Variants in TRIM11 observed in about 807,000 individuals in gnomAD.
TRIM11 encodes tripartite motif containing 11, also known as E3 ubiquitin-protein ligase TRIM11.
TRIM11 carries 15 observed loss-of-function variants against 33.4 expected under a neutral mutation model. That is an observed-to-expected ratio of 0.45 (90% confidence interval 0.30 to 0.69). The LOEUF is 0.69. TRIM11 is among the 30% of genes least tolerant of loss of function. TRIM11 has a pLI of 0.08. For synonymous variants in TRIM11, 281 were observed against 302.6 expected, an observed-to-expected ratio of 0.93 and a Z score of 0.74; for missense variants, 499 against 667.6, an observed-to-expected ratio of 0.75 and a Z score of 2.78.
chr1:228,397,077 A>G (rs754654919), intron 4 of TRIM11, 30 bp from the exon 5 acceptor site: 10 of 1,613,568 alleles, frequency 6.2e-6, no homozygotes, highest in Admixed American at 1.7e-5. Context: ...TGTTGTCGCC[A>G]TGGCCAACAG....
chr1:228,404,124 G>C (rs1656319326), intron 1 of TRIM11: 1 of 152,138 alleles, frequency 6.6e-6, no homozygotes, highest in African/African-American at 2.4e-5. Context: ...CGTGTAGTCA[G>C]AACTGGGATG....
chr1:228,395,144 T>G lies in TRIM11; in HGVS notation c.968A>C (p.Glu323Ala), dbSNP rs1343760190. 2 of 1,547,832 alleles carry G rather than the reference T, an allele frequency of 1.3e-6. No individual in the cohort carries two copies. Among genetic ancestry groups the G allele is most frequent in the Non-Finnish European group, 1.7e-6 (2 of 1,152,792 alleles). ...DLRQALPDSP[E>A]RFDPGPCVLG... ...CACGCAGGGGCCGGGGTCAAAGCGC[T>G]CTGGGCTGTCCGGCAGGGCCTGCCG... The change falls in exon 6 of 6, where the codon GAG becomes GCG. Residue 323 changes from glutamate (E) to alanine (A), a missense_variant. Physicochemically the swap from Glu to Ala is moderately radical, Grantham distance 107. Transcript: ENST00000284551. This position sits in a 1 kb window ranked among gnomAD's most constrained non-coding sequence, Gnocchi z 4.8.
In TRIM11 at chr1:228,395,029, C is replaced by T. The variant is rs938215614; in HGVS notation, c.1083G>A (p.Glu361=). The T allele has an allele frequency of 6.2e-7, 1 of 1,613,888 alleles. No homozygotes were observed. Among genetic ancestry groups the T allele is most frequent in the African/African-American group, 1.3e-5 (1 of 74,930 alleles). ...CGCCCTTCTCCTTCCTGTTCACGTT[C>T]TCCCTGCACACCCCCAGGGCCCAGC... ...RTSWALGVCR[E]NVNRKEKGEL... The change falls in exon 6 of 6, where the codon GAG becomes GAA. Residue 361 remains glutamate (E), a synonymous_variant. Transcript: ENST00000284551. This position sits in a 1 kb window ranked among gnomAD's most constrained non-coding sequence, Gnocchi z 4.8.
At position 228,400,511 on chromosome 1, in the gene TRIM11, C is replaced by A. The variant is rs1247116989; in HGVS notation, c.735+453G>T. ...AGCAGAGGAGGAGGAGACTGCCCCC[C>A]ATAATGGAGATGCATGGGGTGTGCC... is the stretch of plus-strand genomic sequence containing the variant. On this transcript the variant is annotated intron_variant, in intron 3 of 5. Transcript: ENST00000284551. This position sits in a 1 kb window ranked among gnomAD's most constrained non-coding sequence, Gnocchi z 4.5. 1.3e-5 allele frequency among the ~76,000 whole-genome samples: 2 copies of A among 152,170 alleles called. No homozygotes were observed. Among genetic ancestry groups the A allele is most frequent in the South Asian group, 2.1e-4 (1 of 4,830 alleles).
chr1:228,397,261 C>G, intron 3 of TRIM11, 96 bp from the exon 4 acceptor site: 2 of 1,454,712 alleles, frequency 1.4e-6, no homozygotes. Context: ...CCGTCCCCCT[C>G]TCCTACATTT....
At position 228,394,639 on chromosome 1, in the gene TRIM11, T is replaced by C. The variant is rs1574081720; in HGVS notation, c.*66A>G. The C allele has an allele frequency of 2.7e-6, 4 of 1,491,540 alleles. No individual in the cohort carries two copies. The East Asian group carries it at 9.2e-5, about 34-fold the overall frequency. The allele number at this position is 1,491,540 out of a possible 1,614,324, so 92.4% of individuals were successfully genotyped here. A position where few individuals can be genotyped will look rare whatever the true frequency, so the allele number is the denominator to read the frequency against. ...ACTCCCTCCTCCCAGGTCCTCCAAG[T>C]GGCCAAAACACTCAGTGGCCTGGAG... is the stretch of plus-strand genomic sequence containing the variant. On this transcript the variant is annotated 3_prime_UTR_variant, in exon 6 of 6. Coordinates refer to ENST00000284551, the MANE Select transcript of TRIM11 (RefSeq NM_145214.3). The surrounding 1 kb of genome is among the most constrained non-coding windows in gnomAD (Gnocchi z 6.2).
Position 228,394,975 on chromosome 1 carries a change from G to A in TRIM11, c.1137C>T (p.Ile379=), listed in dbSNP as rs1321742050. 1 of 1,614,052 alleles carries A rather than the reference G, an allele frequency of 6.2e-7. No homozygotes were observed. Among genetic ancestry groups the A allele is most frequent in the Admixed American group, 1.7e-5 (1 of 60,006 alleles). The change falls in exon 6 of 6, where the codon ATC becomes ATT. Residue 379 remains isoleucine (I), a synonymous_variant. Coordinates refer to ENST00000284551, the MANE Select transcript of TRIM11 (RefSeq NM_145214.3). The surrounding 1 kb of genome is among the most constrained non-coding windows in gnomAD (Gnocchi z 6.2). ...TGTAATAGCTCCCCAGGAAGACCAG[G>A]ATCCAGAAGCCGTTGCCCGCGGACA... ...GELSAGNGFW[I]LVFLGSYYNS...
At chr1:228,397,381 C>A (rs1017570413) in intron 3 of TRIM11, 1 of 607,304 alleles carries the variant, frequency 1.6e-6, no homozygotes, top group Admixed American at 3.0e-5. Context: ...GAGGCATCAC[C>A]AATGGGGTGC....
In TRIM11 at chr1:228,400,874, C is replaced by T. The variant is rs1656184470; in HGVS notation, c.735+90G>A. The T allele has an allele frequency of 1.4e-6, 2 of 1,431,240 alleles. No individual in the cohort carries two copies. Among genetic ancestry groups the T allele is most frequent in the Non-Finnish European group, 9.1e-7 (1 of 1,096,094 alleles). The allele number at this position is 1,431,240 out of a possible 1,614,324, so 88.7% of individuals were successfully genotyped here. ...CTCTCAGCCCAGACAACCTCTCTGC[C>T]CCTGCTTCTTGCACTTTCTGGTTCT... On this transcript the variant is annotated intron_variant, in intron 3 of 5. Coordinates refer to ENST00000284551, the MANE Select transcript of TRIM11 (RefSeq NM_145214.3). The surrounding 1 kb of genome is among the most constrained non-coding windows in gnomAD (Gnocchi z 4.5).
intron 3 of TRIM11, among the ~76,000 whole-genome samples, chr1:228,398,449 C>T (rs1465870000): frequency 6.6e-6 from 1 of 152,026 alleles, no homozygotes; most frequent in Non-Finnish European, 1.5e-5. Flanking sequence ...AAGGTCCCAT[C>T]TCTAAAAAAA....
At position 228,406,473 on chromosome 1, in the gene TRIM11, T is replaced by C; in HGVS notation, c.89A>G (p.Asp30Gly). ...LDYFTDPVMT[D>G]CGHNFCRECI... ...CTCGCGGCAGAAGTTGTGGCCGCAG[T>C]CGGTCATCACCGGATCCGTGAAGTA... The change falls in exon 1 of 6, where the codon GAC (aspartate) becomes GGC (glycine). Residue 30 changes from aspartate (D) to glycine (G), a missense_variant. Coordinates refer to ENST00000284551, the MANE Select transcript of TRIM11 (RefSeq NM_145214.3). The surrounding 1 kb of genome is among the most constrained non-coding windows in gnomAD (Gnocchi z 8.2). 1 of 1,592,778 alleles carries C rather than the reference T, an allele frequency of 6.3e-7. No homozygotes were observed. The highest frequency in any genetic ancestry group is 1.4e-5 in the African/African-American group (1 of 72,588).
At position 228,394,551 on chromosome 1, in the gene TRIM11, T is replaced by C. The variant is rs1490146421; in HGVS notation, c.*154A>G. On this transcript the variant is annotated 3_prime_UTR_variant, in exon 6 of 6. Transcript: ENST00000284551. This position sits in a 1 kb window ranked among gnomAD's most constrained non-coding sequence, Gnocchi z 6.2. ...CCCACAGTTTCCTGGAGTGCTAGAA[T>C]TGGGGTTCTCCCACGCAGGCTCAGA... The C allele has an allele frequency of 3.6e-6, 3 of 833,934 alleles. No homozygotes were observed. Among genetic ancestry groups the C allele is most frequent in the Non-Finnish European group, 5.4e-6 (3 of 554,368 alleles). The allele number at this position is 833,934 out of a possible 1,614,324, so 51.7% of individuals were successfully genotyped here.
rs1250004917 is a variant in TRIM11, at chr1:228,394,951, G to A, written c.1161C>T (p.Tyr387=). The change falls in exon 6 of 6, where the codon TAC becomes TAT. Residue 387 remains tyrosine, a synonymous_variant. Coordinates refer to ENST00000284551, the MANE Select transcript of TRIM11 (RefSeq NM_145214.3). This position sits in a 1 kb window ranked among gnomAD's most constrained non-coding sequence, Gnocchi z 6.2. ...FWILVFLGSY[Y]NSSERALAPL... ...GAGCCAAGGCCCGTTCCGAGGAATTGTAATAGCTCCCCAGGAAGACCAGGA... is the reference window on the plus strand; with the variant it reads ...GAGCCAAGGCCCGTTCCGAGGAATTATAATAGCTCCCCAGGAAGACCAGGA... 1.2e-6 allele frequency: 2 copies of A among 1,614,052 alleles called. No homozygotes were observed. The highest frequency in any genetic ancestry group is 2.2e-5 in the East Asian group (1 of 44,882).
In TRIM11 at chr1:228,394,866, A is replaced by T; in HGVS notation, c.1246T>A (p.Ser416Thr). The change falls in exon 6 of 6, where the codon TCT becomes ACT. Residue 416 changes from serine to threonine, a missense_variant. Transcript: ENST00000284551. This position sits in a 1 kb window ranked among gnomAD's most constrained non-coding sequence, Gnocchi z 6.2. ...IFLDYEAGHL[S>T]FYSATDGSLL... The stretch of plus-strand genomic sequence containing the variant: ...GACCCATCGGTGGCACTGTAGAAAG[A>T]GAGATGTCCAGCCTCGTAGTCCAGA... 1 of 1,613,998 alleles carries T rather than the reference A, an allele frequency of 6.2e-7. No individual in the cohort carries two copies. The highest frequency in any genetic ancestry group is 2.2e-5 in the East Asian group (1 of 44,840).
chr1:228,396,635 T>C (rs1205441747), intron 5 of TRIM11: 4 of 701,616 alleles, frequency 5.7e-6, no homozygotes, highest in African/African-American at 1.8e-5. Flanking sequence ...GGCAGTCTTA[T>C]GGGACTGAGC....
rs527418185 is a variant in TRIM11 at position 228,395,461 on chromosome 1, T to C, written c.860-209A>G. The C allele has an allele frequency of 2.0e-4, 83 of 423,984 alleles. 1 individual carries two copies. The highest frequency in any genetic ancestry group is 2.7e-4 in the Non-Finnish European group (66 of 248,780). The allele number at this position is 423,984 out of a possible 1,614,324, so 26.3% of individuals were successfully genotyped here. Reference sequence around the variant, plus strand: ...AGCTACGTCCAGTTGCAACTTACAATGTCCTACAAATTGGTCCATGTTTTG... The same window carrying C: ...AGCTACGTCCAGTTGCAACTTACAACGTCCTACAAATTGGTCCATGTTTTG... On this transcript the variant is annotated intron_variant, in intron 5 of 5. Transcript: ENST00000284551. This position sits in a 1 kb window ranked among gnomAD's most constrained non-coding sequence, Gnocchi z 4.8.
rs1269364767 is a variant in TRIM11, at chr1:228,406,250, G to A, written c.312C>T (p.Gly104=). Residue 104 remains glycine, a synonymous_variant, in exon 1 of 6, where the codon GGC becomes GGT. Transcript: ENST00000284551. The surrounding 1 kb of genome is among the most constrained non-coding windows in gnomAD (Gnocchi z 8.2). ...CCGCACACAGGAGGCGCAGCTCGTCGCCACAGAAGGCGGCCAGTGGCTCGC... is the reference window on the plus strand; with the variant it reads ...CCGCACACAGGAGGCGCAGCTCGTCACCACAGAAGGCGGCCAGTGGCTCGC... ...AHREPLAAFC[G]DELRLLCAAC... 1.0e-5 allele frequency: 15 copies of A among 1,495,720 alleles called. No homozygotes were observed. Among genetic ancestry groups the A allele is most frequent in the Admixed American group, 2.2e-5 (1 of 45,682 alleles). The allele number at this position is 1,495,720 out of a possible 1,614,324, so 92.7% of individuals were successfully genotyped here.
rs959039818 is a variant in TRIM11 at position 228,400,560 on chromosome 1, G to A, written c.735+404C>T. 2.0e-5 allele frequency among the ~76,000 whole-genome samples: 3 copies of A among 152,178 alleles called. No individual in the cohort carries two copies. Among genetic ancestry groups the A allele is most frequent in the East Asian group, 3.9e-4 (2 of 5,186 alleles). On this transcript the variant is annotated intron_variant, in intron 3 of 5. Transcript: ENST00000284551. This position sits in a 1 kb window ranked among gnomAD's most constrained non-coding sequence, Gnocchi z 4.5. ...CCAGCGGGGTGAAGACAGAGTGAAG[G>A]GCGAGGACTTCCTGCTGGGGACACC...
At position 228,395,541 on chromosome 1, in the gene TRIM11, C is replaced by A. The variant is rs2074978083; in HGVS notation, c.860-289G>T. On this transcript the variant is annotated intron_variant, in intron 5 of 5. Coordinates refer to ENST00000284551, the MANE Select transcript of TRIM11 (RefSeq NM_145214.3). This position sits in a 1 kb window ranked among gnomAD's most constrained non-coding sequence, Gnocchi z 4.8. ...GCTTTTTTTTTTTTTTTTAAAGAGG[C>A]AGGGTCTTGCTCTGTGGCCCCAGGC... 2 of 290,864 alleles carry A rather than the reference C, an allele frequency of 6.9e-6. No individual in the cohort carries two copies. Among genetic ancestry groups the A allele is most frequent in the South Asian group, 2.9e-4 (2 of 6,832 alleles). 18.0% of individuals were successfully genotyped at this position (290,864 alleles called of 1,614,324 possible).
Sources: gnomAD v4.1 joint callset for allele counts (sites outside exome capture counted in the v4.1 genomes callset) on GRCh38, gnomAD v4.1.1 for gene constraint, Gnocchi (gnomAD v3.1) non-coding constraint, MANE v1.5 for transcripts, NCBI Gene and HGNC (gene_info 2026-07-23, HGNC 2026-07-21) for gene names.